Variants in TRDN observed in about 807,000 individuals in gnomAD.
The protein encoded by TRDN is triadin, also known as triadin in skeletal muscle.
A neutral mutation model predicts 149.7 loss-of-function variants in TRDN; 161 were observed. That is an observed-to-expected ratio of 1.08 (90% CI 0.95 to 1.23). The LOEUF (loss-of-function observed/expected upper bound fraction) is 1.23, where lower values mean the gene tolerates loss of function less well. TRDN is among the 50% of genes most tolerant of loss of function. The pLI is 0.00. For missense variants in TRDN, 896 were observed against 823.5 expected, an observed-to-expected ratio of 1.09 and a Z score of -1.08; for synonymous variants, 294 against 250.5, an observed-to-expected ratio of 1.17 and a Z score of -1.64.
At chr6:123,611,405 A>G (rs1377766561) in intron 1 of TRDN, among the ~76,000 whole-genome samples, 1 of 152,170 alleles carries the variant, frequency 6.6e-6, no homozygotes, top group African/African-American at 2.4e-5. Flanking sequence ...AATCTTTACT[A>G]TTATGAATAA....
At chr6:123,465,450 A>G (rs966710320) in intron 9 of TRDN, among the ~76,000 whole-genome samples, 7 of 152,140 alleles carry the variant, frequency 4.6e-5, no homozygotes, top group East Asian at 1.9e-4. Flanking sequence ...TTGATATTGA[A>G]CAGATACATT....
At chr6:123,406,672 C>CT (rs1773204329) in intron 12 of TRDN, among the ~76,000 whole-genome samples, 1 of 151,984 alleles carries the variant, frequency 6.6e-6, no homozygotes, top group South Asian at 2.1e-4. Flanking sequence ...ATAGGAAAAT[C>CT]TTTTACATAA....
intron 2 of TRDN, among the ~76,000 whole-genome samples, chr6:123,570,629 C>T (rs905223885): frequency 6.6e-6 from 1 of 152,102 alleles, no homozygotes; most frequent in African/African-American, 2.4e-5. Context: ...CAAACGAAAT[C>T]TTCACCCAAG....
At chr6:123,305,887 G>T (rs532360830) in intron 24 of TRDN, among the ~76,000 whole-genome samples, 2 of 152,100 alleles carry the variant, frequency 1.3e-5, no homozygotes, top group East Asian at 1.9e-4. Flanking sequence ...GGTAAAGCTG[G>T]TATTCTCTGC....
chr6:123,359,837 A>G (rs1467126085), intron 20 of TRDN, among the ~76,000 whole-genome samples: 1 of 151,948 alleles, frequency 6.6e-6, no homozygotes, highest in African/African-American at 2.4e-5. Flanking sequence ...CTGGGATTAC[A>G]GGCACCTGCC....
chr6:123,322,829 C>T lies in TRDN; in HGVS notation c.1472-6334G>A, dbSNP rs574668693. On this transcript the variant is annotated intron_variant, in intron 23 of 40. Coordinates refer to ENST00000334268, the MANE Select transcript of TRDN (RefSeq NM_006073.4). ...CTAATTTTTGTATTTTTAGTAGAGA[C>T]GGGGTTTCACCATATTAGCCAGGAT... 5.3e-5 allele frequency among the ~76,000 whole-genome samples: 8 copies of T among 151,586 alleles called. No individual in the cohort carries two copies. In the South Asian group the frequency reaches 6.3e-4, roughly 12 times the overall value.
At chr6:123,606,514 G>T (rs1311946492) in intron 1 of TRDN, among the ~76,000 whole-genome samples, 1 of 151,716 alleles carries the variant, frequency 6.6e-6, no homozygotes, top group African/African-American at 2.4e-5. Flanking sequence ...CTCATCATTA[G>T]GCTTTACATA....
chr6:123,346,614 C>T (rs1780255468), intron 21 of TRDN, among the ~76,000 whole-genome samples: 1 of 151,900 alleles, frequency 6.6e-6, no homozygotes, highest in Admixed American at 6.6e-5. Flanking sequence ...CAGAGTGTCT[C>T]TCCTGTGGAT....
intron 22 of TRDN, among the ~76,000 whole-genome samples, chr6:123,332,693 T>C (rs1437818950): frequency 1.3e-5 from 2 of 152,088 alleles, no homozygotes; most frequent in African/African-American, 2.4e-5. Flanking sequence ...TGGATGAAAA[T>C]GACTTTTAAT....
chr6:123,240,008 A>T (rs1337168619), intron 38 of TRDN, among the ~76,000 whole-genome samples: 1 of 152,040 alleles, frequency 6.6e-6, no homozygotes, highest in Non-Finnish European at 1.5e-5. Flanking sequence ...CATAACATTA[A>T]GTAAAAAATT....
intron 6 of TRDN, among the ~76,000 whole-genome samples, chr6:123,513,856 T>A (rs1779292440): frequency 6.6e-6 from 1 of 152,052 alleles, no homozygotes; most frequent in Non-Finnish European, 1.5e-5. Flanking sequence ...GATTCCTAAA[T>A]GTCATAATGT....
chr6:123,337,701 CA>C, intron 21 of TRDN, 32 bp from the exon 22 acceptor site: 1 of 1,356,772 alleles, frequency 7.4e-7, no homozygotes, highest in East Asian at 2.8e-5. Flanking sequence ...GAAAAAGTTA[CA>C]AGGAATAAGA....
intron 9 of TRDN, among the ~76,000 whole-genome samples, chr6:123,495,079 C>T (rs1206391895): frequency 6.6e-6 from 1 of 152,010 alleles, no homozygotes; most frequent in Non-Finnish European, 1.5e-5. Context: ...CAGGGTCTCA[C>T]CCTGTAGCCC....
chr6:123,489,105 A>G (rs768428780), intron 9 of TRDN, among the ~76,000 whole-genome samples: 7 of 152,288 alleles, frequency 4.6e-5, no homozygotes, highest in Non-Finnish European at 7.4e-5. Context: ...TCACACAGAC[A>G]TATCCTACCA....
intron 1 of TRDN, among the ~76,000 whole-genome samples, chr6:123,604,828 TAAAC>T (rs78910983): frequency 0.25 from 37,355 of 151,674 alleles, 4,713 homozygotes; most frequent in East Asian, 0.44. Context: ...AGTAGGTAAA[TAAAC>T]AGACAGTGGT....
At chr6:123,345,662 T>C (rs1358647837) in intron 21 of TRDN, among the ~76,000 whole-genome samples, 1 of 152,098 alleles carries the variant, frequency 6.6e-6, no homozygotes, top group African/African-American at 2.4e-5. Flanking sequence ...ATTGGCAGCT[T>C]GACAATACTA....
intron 12 of TRDN, among the ~76,000 whole-genome samples, chr6:123,425,257 G>A (rs1774073167): frequency 6.6e-6 from 1 of 150,910 alleles, no homozygotes; most frequent in Non-Finnish European, 1.5e-5. Context: ...GTGTGTGTGT[G>A]TGTGTGTGTG....
chr6:123,523,028 C>T (rs958925994), intron 5 of TRDN, among the ~76,000 whole-genome samples: 2 of 151,942 alleles, frequency 1.3e-5, no homozygotes, highest in Non-Finnish European at 2.9e-5. Flanking sequence ...TTAGTTAGAT[C>T]GACATATACC....
At chr6:123,297,411 G>A (rs1778243082) in intron 24 of TRDN, among the ~76,000 whole-genome samples, 1 of 151,954 alleles carries the variant, frequency 6.6e-6, no homozygotes, top group Non-Finnish European at 1.5e-5. Flanking sequence ...AAGATTAGAG[G>A]AAGTTAATAG....
Sources: gnomAD v4.1 joint callset for allele counts (sites outside exome capture counted in the v4.1 genomes callset) on GRCh38, gnomAD v4.1.1 for gene constraint, MANE v1.5 for transcripts, NCBI Gene and HGNC (gene_info 2026-07-23, HGNC 2026-07-21) for gene names.